Variants in SLC23A2 observed in about 807,000 individuals in gnomAD.
The protein encoded by SLC23A2 is Na(+)/L-ascorbic acid transporter 2.
SLC23A2 carries 36 observed loss-of-function variants against 73.3 expected under a neutral mutation model. The observed-to-expected ratio is 0.49, with a 90% CI of 0.38 to 0.65. SLC23A2 has a LOEUF of 0.65. Ranked by LOEUF, SLC23A2 falls within the 30% of genes least tolerant of loss-of-function variation. SLC23A2 has a pLI of 0.00. For synonymous variants in SLC23A2, 343 were observed against 327.3 expected (o/e 1.05, Z -0.52); for missense variants, 507 against 841.6 (o/e 0.60, Z 4.92).
chr20:4,908,209 G>C (rs1197086240), intron 4 of SLC23A2, among the ~76,000 whole-genome samples: 1 of 152,158 alleles, frequency 6.6e-6, no homozygotes, highest in Non-Finnish European at 1.5e-5. Context: ...GCTAAATATT[G>C]AAAATGCCAG....
At chr20:4,962,323 G>T (rs1351767931) in intron 2 of SLC23A2, among the ~76,000 whole-genome samples, 2 of 152,106 alleles carry the variant, frequency 1.3e-5, no homozygotes, top group East Asian at 3.9e-4. Context: ...CTCAGAGAGG[G>T]AGGAGACCAT....
chr20:4,920,646 T>C (rs1568624915), intron 3 of SLC23A2, among the ~76,000 whole-genome samples: 1 of 152,154 alleles, frequency 6.6e-6, no homozygotes, highest in African/African-American at 2.4e-5. Context: ...CCTTATACAC[T>C]GACACAGGTA....
At chr20:4,876,398 G>T (rs924430162) in intron 9 of SLC23A2, among the ~76,000 whole-genome samples, 5 of 152,166 alleles carry the variant, frequency 3.3e-5, no homozygotes, top group African/African-American at 1.2e-4. Flanking sequence ...AAGCAGATTA[G>T]GTAGCAGATG....
chr20:4,963,794 G>C (rs2087430320), intron 2 of SLC23A2, among the ~76,000 whole-genome samples: 1 of 152,136 alleles, frequency 6.6e-6, no homozygotes, highest in African/African-American at 2.4e-5. Flanking sequence ...GTTGCAGTGA[G>C]CTGAGATCGT....
At chr20:4,866,884 G>C (rs1930221007) in intron 13 of SLC23A2, among the ~76,000 whole-genome samples, 1 of 151,968 alleles carries the variant, frequency 6.6e-6, no homozygotes, top group Admixed American at 6.5e-5. Context: ...GTGAGACGTA[G>C]GCCATCGAGG....
At chr20:4,914,839 G>A (rs753929841) in intron 3 of SLC23A2, among the ~76,000 whole-genome samples, 2 of 152,092 alleles carry the variant, frequency 1.3e-5, no homozygotes, top group African/African-American at 2.4e-5. Context: ...TCGGGAGTTC[G>A]AGACCAGCTG....
chr20:4,900,028 G>A (rs1362759250), intron 5 of SLC23A2, among the ~76,000 whole-genome samples: 3 of 152,076 alleles, frequency 2.0e-5, no homozygotes, highest in Admixed American at 6.5e-5. Context: ...GCACCACCAC[G>A]CCCAGCTTAT....
chr20:4,944,867 C>T (rs1600158636), intron 2 of SLC23A2, among the ~76,000 whole-genome samples: 1 of 152,186 alleles, frequency 6.6e-6, no homozygotes. Flanking sequence ...ACTGTGGCTG[C>T]TCCATTAAGT....
At position 4,910,007 on chromosome 20, in the gene SLC23A2, G is replaced by T. The variant is rs191053775; in HGVS notation, c.207+2873C>A. ...AGTGGCACACAGGGCAGCACATCCAGTGCAGGCTCTTTAATAACCAGCTTA... is the reference window on the plus strand; with the variant it reads ...AGTGGCACACAGGGCAGCACATCCATTGCAGGCTCTTTAATAACCAGCTTA... On this transcript the variant is annotated intron_variant, in intron 4 of 16. Transcript: ENST00000338244. 2.0e-5 allele frequency among the ~76,000 whole-genome samples: 3 copies of T among 152,320 alleles called. No homozygotes were observed. In the East Asian group the frequency reaches 5.8e-4, roughly 29 times the overall value.
rs1309062012 is a variant in SLC23A2, at chr20:4,874,046, G to A, written c.992C>T (p.Thr331Met). Residue 331 changes from threonine to methionine, a missense_variant, in exon 11 of 17, where the codon ACG becomes ATG. This residue lies in a region of SLC23A2 where 217 missense variants were observed against 398.0 expected (regional missense o/e 0.55). Coordinates refer to ENST00000338244, the MANE Select transcript of SLC23A2 (RefSeq NM_005116.6). Reference protein sequence around the residue: ...LVSWLLCFIFTVTDVFPPDST... With the variant: ...LVSWLLCFIFMVTDVFPPDST... ...GTCGGGAGGGAAGACATCTGTCACC[G>A]TGAAGATGAAGCAGAGCAGCCAGGA... The A allele has an allele frequency of 6.2e-7, 1 of 1,614,138 alleles. No individual in the cohort carries two copies. Among genetic ancestry groups the A allele is most frequent in the Non-Finnish European group, 8.5e-7 (1 of 1,179,982 alleles).
At chr20:4,864,700 T>C (rs1261664288) in intron 13 of SLC23A2, among the ~76,000 whole-genome samples, 1 of 152,186 alleles carries the variant, frequency 6.6e-6, no homozygotes, top group African/African-American at 2.4e-5. Flanking sequence ...CTCACTGCTA[T>C]GCTGTTCTGC....
chr20:4,881,280 AGTTTACAGGTCT>A (rs571806870), intron 9 of SLC23A2, among the ~76,000 whole-genome samples: 58 of 152,272 alleles, frequency 3.8e-4, no homozygotes, highest in African/African-American at 1.4e-3. Flanking sequence ...GTAAGTATCG[AGTTTACAGGTCT>A]GAACTACAGG....
intron 11 of SLC23A2, among the ~76,000 whole-genome samples, chr20:4,873,473 G>T (rs542937386): frequency 1.2e-4 from 19 of 152,322 alleles, no homozygotes; most frequent in South Asian, 2.1e-4. Flanking sequence ...CTCTACAGCT[G>T]TGGCCAAATT....
At chr20:4,988,030 G>A (rs1202109668) in intron 1 of SLC23A2, among the ~76,000 whole-genome samples, 1 of 151,646 alleles carries the variant, frequency 6.6e-6, no homozygotes, top group Admixed American at 6.6e-5. Context: ...CATGCGTGAT[G>A]GTTCACGCCT....
chr20:4,876,885 C>T (rs1930677980), intron 9 of SLC23A2, among the ~76,000 whole-genome samples: 1 of 152,190 alleles, frequency 6.6e-6, no homozygotes, highest in African/African-American at 2.4e-5. Flanking sequence ...AGGTTATTAT[C>T]TAAGCCAAAC....
upstream of SLC23A2, among the ~76,000 whole-genome samples, chr20:5,003,138 C>T (rs368191939): frequency 3.3e-5 from 5 of 152,120 alleles, no homozygotes; most frequent in African/African-American, 4.8e-5. Context: ...AATCCGAGCA[C>T]TTTGGGAGGC....
intron 2 of SLC23A2, among the ~76,000 whole-genome samples, chr20:4,952,300 G>A (rs1484780510): frequency 3.3e-5 from 5 of 152,052 alleles, no homozygotes; most frequent in African/African-American, 7.2e-5. Flanking sequence ...TGAAAGAATC[G>A]TAGACACATC....
chr20:4,955,021 G>C (rs1201858711), intron 2 of SLC23A2, among the ~76,000 whole-genome samples: 1 of 152,004 alleles, frequency 6.6e-6, no homozygotes, highest in Non-Finnish European at 1.5e-5. Flanking sequence ...GAGGCCAGAA[G>C]GATCACTTCA....
Position 4,899,640 on chromosome 20 carries a change from C to T in SLC23A2, c.397G>A (p.Asp133Asn), listed in dbSNP as rs982512391. ...ATGAGCTGGCTGGTGGCCCACTGGT[C>T]GTACCCCACACACATGGCATCGGCC... ...LLADAMCVGY[D>N]QWATSQLIGT... Residue 133 changes from aspartate (D) to asparagine (N), a missense_variant, in exon 6 of 17, where the codon GAC becomes AAC. Physicochemically the swap from Asp to Asn is conservative, Grantham distance 23. This residue lies in a region of SLC23A2 where 217 missense variants were observed against 398.0 expected (regional missense o/e 0.55). Transcript: ENST00000338244. This position sits in a 1 kb window ranked among gnomAD's most constrained non-coding sequence, Gnocchi z 4.9. 3.1e-6 allele frequency: 5 copies of T among 1,613,958 alleles called. No individual in the cohort carries two copies. The highest frequency in any genetic ancestry group is 4.2e-6 in the Non-Finnish European group (5 of 1,179,980).
Sources: allele counts gnomAD v4.1 joint callset (sites outside exome capture counted in the v4.1 genomes callset), GRCh38; gene constraint gnomAD v4.1.1; regional missense constraint gnomAD v4.1.1; non-coding constraint Gnocchi (gnomAD v3.1); transcripts MANE v1.5; gene names NCBI Gene and HGNC (gene_info 2026-07-23, HGNC 2026-07-21).